The following TIGD1 variants were observed in gnomAD, a reference collection of about 807,000 sequenced individuals.
TIGD1 encodes the protein tigger transposable element derived 1, also known as tigger transposable element-derived protein 1.
In TIGD1, 20 loss-of-function variants were observed where a neutral mutation model predicts 21.3. The ratio of observed to expected loss-of-function variants is 0.94; its 90% confidence interval spans 0.66 to 1.36. TIGD1 has a LOEUF of 1.36. Among genes scored for constraint, TIGD1 ranks in the 40% most tolerant of loss-of-function variants. The pLI, the probability that TIGD1 is intolerant of heterozygous loss-of-function variation, is 0.00. For missense variants in TIGD1, 556 were observed against 350.5 expected (o/e 1.59, Z -4.68); for synonymous variants, 177 against 123.2 (o/e 1.44, Z -2.89).
rs1341075107 is a variant in TIGD1 at position 232,544,725 on chromosome 2, G to A, written c.*3382C>T. On this transcript the variant is annotated 3_prime_UTR_variant, in exon 1 of 1. Coordinates refer to ENST00000408957, the MANE Select transcript of TIGD1 (RefSeq NM_145702.4). ...TAAGGAGAGGCCATCTTCTCTGCCT[G>A]TTTCTCCTCCATTCTACTCCCAAAC... 1 of 1,612,328 alleles carries A rather than the reference G, an allele frequency of 6.2e-7. No individual in the cohort carries two copies. The highest frequency in any genetic ancestry group is 8.5e-7 in the Non-Finnish European group (1 of 1,178,992).
At position 232,545,668 on chromosome 2, in the gene TIGD1, C is replaced by A. The variant is rs759265096; in HGVS notation, c.*2439G>T. On this transcript the variant is annotated 3_prime_UTR_variant, in exon 1 of 1. Coordinates refer to ENST00000408957, the MANE Select transcript of TIGD1 (RefSeq NM_145702.4). ...TGGCCCACTACAACCGGGTGCCGGCCCTGCCATTCCCTGGAGATCCACGCC... is the reference window on the plus strand; with the variant it reads ...TGGCCCACTACAACCGGGTGCCGGCACTGCCATTCCCTGGAGATCCACGCC... 2 of 1,614,184 alleles carry A rather than the reference C, an allele frequency of 1.2e-6. No individual in the cohort carries two copies. The highest frequency in any genetic ancestry group is 8.5e-7 in the Non-Finnish European group (1 of 1,180,032).
chr2:232,548,747 G>T lies in TIGD1; in HGVS notation c.1136C>A (p.Thr379Asn), dbSNP rs374942312. The T allele has an allele frequency of 2.7e-5, 14 of 513,652 alleles. No individual in the cohort carries two copies. Among genetic ancestry groups the T allele is most frequent in the East Asian group, 2.1e-4 (4 of 18,990 alleles). 31.8% of individuals were successfully genotyped at this position (513,652 alleles called of 1,614,324 possible). ...SKLKTFWKGF[T>N]ILDAIKNIRD... ...AATGTTTTTAATGGCATCTAAAATG[G>T]TGAATCCTTTCCAGAAGGTTTTCAA... Residue 379 changes from threonine (T) to asparagine (N), a missense_variant, in exon 1 of 1, where the codon ACC (threonine) becomes AAC (asparagine). Coordinates refer to ENST00000408957, the MANE Select transcript of TIGD1 (RefSeq NM_145702.4).
chr2:232,545,493 G>C lies in TIGD1; in HGVS notation c.*2614C>G, dbSNP rs750325784. On this transcript the variant is annotated 3_prime_UTR_variant, in exon 1 of 1. Transcript: ENST00000408957. Reference sequence around the variant, plus strand: ...CCCAAGGATGAGAACAGGACCCAGGGAAGACCTGGTGCCGCCGCTGGTTAT... The same window carrying C: ...CCCAAGGATGAGAACAGGACCCAGGCAAGACCTGGTGCCGCCGCTGGTTAT... 6.5e-7 allele frequency: 1 copy of C among 1,541,104 alleles called. No individual in the cohort carries two copies. Among genetic ancestry groups the C allele is most frequent in the South Asian group, 1.1e-5 (1 of 87,452 alleles).
rs1250844336 is a variant in TIGD1, at chr2:232,545,998, T to A, written c.*2109A>T. On this transcript the variant is annotated 3_prime_UTR_variant, in exon 1 of 1. Transcript: ENST00000408957. ...CACCCCTCCACTCAGTGCACTCCCCTCACTTAGGCAAAGCATTATTCATTC... is the reference window on the plus strand; with the variant it reads ...CACCCCTCCACTCAGTGCACTCCCCACACTTAGGCAAAGCATTATTCATTC... 1.8e-6 allele frequency: 1 copy of A among 553,792 alleles called. No individual in the cohort carries two copies. The highest frequency in any genetic ancestry group is 1.9e-5 in the African/African-American group (1 of 53,224). The allele number at this position is 553,792 out of a possible 1,614,324, so 34.3% of individuals were successfully genotyped here.
Position 232,548,108 on chromosome 2 carries a change from C to A in TIGD1, c.1775G>T (p.Ter592LeuextTer1). The A allele has an allele frequency of 1.4e-6, 1 of 701,124 alleles. No homozygotes were observed. The highest frequency in any genetic ancestry group is 2.1e-5 in the South Asian group (1 of 47,824). 43.4% of individuals were successfully genotyped at this position (701,124 alleles called of 1,614,324 possible). ...TTTATTGCTAAAAAATGCTGATTAT[C>A]AATCTGAGCCTTCGGTGAGTCGTAC... The part of the protein sequence containing the change: ...KRVRLTEGSD[*>L] Residue 592 changes from the stop codon to leucine, a stop_lost, in exon 1 of 1, where the codon TGA becomes TTA. Transcript: ENST00000408957.
At position 232,544,861 on chromosome 2, in the gene TIGD1, C is replaced by T; in HGVS notation, c.*3246G>A. On this transcript the variant is annotated 3_prime_UTR_variant, in exon 1 of 1. Transcript: ENST00000408957. ...CCAGGCCTGTGTGGAAGCCTGCAAC[C>T]TCATTGCCTGTGCCCGGCACCAGCA... The T allele has an allele frequency of 6.2e-7, 1 of 1,614,024 alleles. No individual in the cohort carries two copies. The highest frequency in any genetic ancestry group is 2.2e-5 in the East Asian group (1 of 44,868).
Position 232,545,732 on chromosome 2 carries a change from TG to T in TIGD1, c.*2374del. The T allele has an allele frequency of 6.2e-7, 1 of 1,613,922 alleles. No homozygotes were observed. Among genetic ancestry groups the T allele is most frequent in the Middle Eastern group, 1.6e-4 (1 of 6,062 alleles). On this transcript the variant is annotated 3_prime_UTR_variant, in exon 1 of 1. Transcript: ENST00000408957. ...ACCAGACTGAGCCAACCAACCACTG[TG>T]GGGCATGTGGGAGTCACACACGTGG...
Position 232,545,824 on chromosome 2 carries a change from C to G in TIGD1, c.*2283G>C. On this transcript the variant is annotated 3_prime_UTR_variant, in exon 1 of 1. Transcript: ENST00000408957. ...CCTAAGTGTGCTCTTTGGGAAGTGC[C>G]CTTCAGGACTGTGTGAGCCAAACAG... is the stretch of plus-strand genomic sequence containing the variant. The G allele has an allele frequency of 2.4e-6, 3 of 1,269,166 alleles. No individual in the cohort carries two copies. The highest frequency in any genetic ancestry group is 1.2e-5 in the South Asian group (1 of 83,122). 78.6% of individuals were successfully genotyped at this position (1,269,166 alleles called of 1,614,324 possible).
Position 232,549,642 on chromosome 2 carries a change from C to A in TIGD1, c.241G>T (p.Asp81Tyr). 1.4e-6 allele frequency: 1 copy of A among 712,302 alleles called. No individual in the cohort carries two copies. The highest frequency in any genetic ancestry group is 1.5e-5 in the South Asian group (1 of 67,062). The allele number at this position is 712,302 out of a possible 1,614,324, so 44.1% of individuals were successfully genotyped here. Residue 81 changes from aspartate to tyrosine, a missense_variant, in exon 1 of 1, where the codon GAT becomes TAT. Asp to Tyr is a radical substitution (Grantham distance 160). Coordinates refer to ENST00000408957, the MANE Select transcript of TIGD1 (RefSeq NM_145702.4). ...MIRKRNSLIA[D>Y]MEKVLVVWIE... ...CAGACCACTAAAACCTTCTCCATAT[C>A]AGCAATAAGGCTGTTTCGCTTTCTT...
At position 232,544,511 on chromosome 2, in the gene TIGD1, C is replaced by G. The variant is rs771886490; in HGVS notation, c.*3596G>C. On this transcript the variant is annotated 3_prime_UTR_variant, in exon 1 of 1. Transcript: ENST00000408957. ...TGGGGAGGAGGTGGCCCTCTGCCTG[C>G]CTCGCAGTGAACTCCTCTTCCAGCA... 61 of 1,613,722 alleles carry G rather than the reference C, an allele frequency of 3.8e-5. No individual in the cohort carries two copies. The Middle Eastern group carries it at 9.9e-4, about 26-fold the overall frequency.
rs1692126645 is a variant in TIGD1 at position 232,545,994 on chromosome 2, C to T, written c.*2113G>A. The T allele has an allele frequency of 1.8e-6, 1 of 563,302 alleles. No homozygotes were observed. Among genetic ancestry groups the T allele is most frequent in the South Asian group, 1.9e-5 (1 of 51,514 alleles). 34.9% of individuals were successfully genotyped at this position (563,302 alleles called of 1,614,324 possible). ...CAGCCACCCCTCCACTCAGTGCACT[C>T]CCCTCACTTAGGCAAAGCATTATTC... On this transcript the variant is annotated 3_prime_UTR_variant, in exon 1 of 1. Coordinates refer to ENST00000408957, the MANE Select transcript of TIGD1 (RefSeq NM_145702.4).
In TIGD1 at chr2:232,544,106, C is replaced by A. The variant is rs565155499; in HGVS notation, c.*4001G>T. On this transcript the variant is annotated 3_prime_UTR_variant, in exon 1 of 1. Coordinates refer to ENST00000408957, the MANE Select transcript of TIGD1 (RefSeq NM_145702.4). ...TTGTTGCACATGCAGATTCCCAGGC[C>A]TGTCCCAGGCATTCTAGGCCAGAAT... 4.5e-4 allele frequency among the ~76,000 whole-genome samples: 68 copies of A among 152,324 alleles called. No individual in the cohort carries two copies. The highest frequency in any genetic ancestry group is 1.5e-3 in the African/African-American group (63 of 41,580).
In TIGD1 at chr2:232,547,569, G is replaced by A. The variant is rs1284395997; in HGVS notation, c.*538C>T. ...GTCTTTGGGATTCAATCACCAGCAA[G>A]TTCGTATTATTTACTCCAGTGTGAG... On this transcript the variant is annotated 3_prime_UTR_variant, in exon 1 of 1. Coordinates refer to ENST00000408957, the MANE Select transcript of TIGD1 (RefSeq NM_145702.4). 6.6e-6 allele frequency among the ~76,000 whole-genome samples: 1 copy of A among 152,228 alleles called. No homozygotes were observed. Among genetic ancestry groups the A allele is most frequent in the Non-Finnish European group, 1.5e-5 (1 of 68,044 alleles).
rs747347665 is a variant in TIGD1 at position 232,544,331 on chromosome 2, C to T, written c.*3776G>A. ...AACCTCTGGCTTCTGCTCTGAAGCTCGGCCTGCTGCCCTAGTGAAGCCACC... is the reference window on the plus strand; with the variant it reads ...AACCTCTGGCTTCTGCTCTGAAGCTTGGCCTGCTGCCCTAGTGAAGCCACC... On this transcript the variant is annotated 3_prime_UTR_variant, in exon 1 of 1. Transcript: ENST00000408957. 4.8e-5 allele frequency: 73 copies of T among 1,521,074 alleles called. No individual in the cohort carries two copies. Among genetic ancestry groups the T allele is most frequent in the Non-Finnish European group, 6.5e-5 (71 of 1,097,608 alleles). 94.2% of individuals were successfully genotyped at this position (1,521,074 alleles called of 1,614,324 possible). A position where few individuals can be genotyped will look rare whatever the true frequency, so the allele number is the denominator to read the frequency against.
chr2:232,545,990 C>T lies in TIGD1; in HGVS notation c.*2117G>A. 5.3e-6 allele frequency: 3 copies of T among 567,364 alleles called. No individual in the cohort carries two copies. The highest frequency in any genetic ancestry group is 9.6e-6 in the Non-Finnish European group (3 of 313,446). 35.1% of individuals were successfully genotyped at this position (567,364 alleles called of 1,614,324 possible). Reference sequence around the variant, plus strand: ...GCACCAGCCACCCCTCCACTCAGTGCACTCCCCTCACTTAGGCAAAGCATT... The same window carrying T: ...GCACCAGCCACCCCTCCACTCAGTGTACTCCCCTCACTTAGGCAAAGCATT... On this transcript the variant is annotated 3_prime_UTR_variant, in exon 1 of 1. Coordinates refer to ENST00000408957, the MANE Select transcript of TIGD1 (RefSeq NM_145702.4).
Position 232,547,056 on chromosome 2 carries a change from G to A in TIGD1, c.*1051C>T, listed in dbSNP as rs1692145687. ...GCTGGTAACCAGGGGACACCCTTGG[G>A]CAAGTCACCTATGCTCCCTGAGGCT... On this transcript the variant is annotated 3_prime_UTR_variant, in exon 1 of 1. Coordinates refer to ENST00000408957, the MANE Select transcript of TIGD1 (RefSeq NM_145702.4). 6.6e-6 allele frequency among the ~76,000 whole-genome samples: 1 copy of A among 152,166 alleles called. No individual in the cohort carries two copies. The highest frequency in any genetic ancestry group is 2.4e-5 in the African/African-American group (1 of 41,430).
chr2:232,546,188 T>TC lies in TIGD1; in HGVS notation c.*1918dup, dbSNP rs944212325. On this transcript the variant is annotated 3_prime_UTR_variant, in exon 1 of 1. Coordinates refer to ENST00000408957, the MANE Select transcript of TIGD1 (RefSeq NM_145702.4). The stretch of plus-strand genomic sequence containing the variant: ...GCAGCAGCCCATACCAGCTGGCATC[T>TC]CCCCCCCGTGCCTTCTGGGTACAAT... 1.2e-4 allele frequency: 27 copies of TC among 219,112 alleles called. No homozygotes were observed. The highest frequency in any genetic ancestry group is 2.3e-4 in the African/African-American group (10 of 44,070). 13.6% of individuals were successfully genotyped at this position (219,112 alleles called of 1,614,324 possible). A position where few individuals can be genotyped will look rare whatever the true frequency, so the allele number is the denominator to read the frequency against.
In TIGD1 at chr2:232,550,115, A is replaced by G; in HGVS notation, c.-233T>C. ...CCATAACAGACACAGAAATCATGAA[A>G]AAGTTTTAAATATTTTGAGAATTAC... On this transcript the variant is annotated 5_prime_UTR_variant, in exon 1 of 1. Transcript: ENST00000408957. 1 of 415,576 alleles carries G rather than the reference A, an allele frequency of 2.4e-6. No homozygotes were observed. The highest frequency in any genetic ancestry group is 4.4e-6 in the Non-Finnish European group (1 of 227,628). 25.7% of individuals were successfully genotyped at this position (415,576 alleles called of 1,614,324 possible). A position where few individuals can be genotyped will look rare whatever the true frequency, so the allele number is the denominator to read the frequency against.
chr2:232,549,585 A>G lies in TIGD1; in HGVS notation c.298T>C (p.Leu100=), dbSNP rs1304828652. The change falls in exon 1 of 1, where the codon TTA becomes CTA. Residue 100 remains leucine, a synonymous_variant. Coordinates refer to ENST00000408957, the MANE Select transcript of TIGD1 (RefSeq NM_145702.4). ...IEDQTSRNIP[L]SQSLIQNKAL... ...TTGTTCTGGATTAGGCTTTGGCTTA[A>G]GGGAATGTTGCGGCTGGTCTGATCT... 3 of 682,502 alleles carry G rather than the reference A, an allele frequency of 4.4e-6. No individual in the cohort carries two copies. In the South Asian group the frequency reaches 5.0e-5, roughly 11 times the overall value. 42.3% of individuals were successfully genotyped at this position (682,502 alleles called of 1,614,324 possible).
Sources: allele counts gnomAD v4.1 joint callset (sites outside exome capture counted in the v4.1 genomes callset), GRCh38; gene constraint gnomAD v4.1.1; transcripts MANE v1.5; gene names NCBI Gene and HGNC (gene_info 2026-07-23, HGNC 2026-07-21).